Variants in ATL3 observed in about 807,000 individuals in gnomAD.
The protein encoded by ATL3 is atlastin GTPase 3, also known as atlastin-3.
ATL3 carries 49 observed loss-of-function variants against 69.5 expected under a neutral mutation model. The ratio of observed to expected loss-of-function variants is 0.71; its 90% confidence interval spans 0.56 to 0.89. The LOEUF (loss-of-function observed/expected upper bound fraction) is 0.89. Ranked by LOEUF, ATL3 falls within the 40% of genes least tolerant of loss-of-function variation. The pLI is 0.00. For synonymous variants in ATL3, 214 were observed against 224.1 expected, an observed-to-expected ratio of 0.95 and a Z score of 0.40; for missense variants, 606 against 645.7, an observed-to-expected ratio of 0.94 and a Z score of 0.67.
In ATL3 at chr11:63,657,538, G is replaced by A. The variant is rs555136438; in HGVS notation, c.405+1223C>T. On this transcript the variant is annotated intron_variant, in intron 3 of 12. Transcript: ENST00000398868. ...AGTAAGGAAGTAAAGAACAGAAGTGGTAACACATAAGAGCATCAGCCTCTG... is the reference window on the plus strand; with the variant it reads ...AGTAAGGAAGTAAAGAACAGAAGTGATAACACATAAGAGCATCAGCCTCTG... Among the ~76,000 whole-genome samples the A allele has an allele frequency of 2.8e-3, 423 of 152,264 alleles. 3 individuals carry two copies. The highest frequency in any genetic ancestry group is 0.012 in the South Asian group (60 of 4,824).
intron 1 of ATL3, among the ~76,000 whole-genome samples, chr11:63,663,123 T>A (rs967033875): frequency 4.3e-5 from 6 of 140,686 alleles, no homozygotes; most frequent in African/African-American, 1.6e-4. Context: ...TTCTTCGCAC[T>A]TTTTTTTTTT....
In ATL3 at chr11:63,636,100, C is replaced by T. The variant is rs567967098; in HGVS notation, c.978+107G>A. On this transcript the variant is annotated intron_variant, in intron 9 of 12. Transcript: ENST00000398868. ...TCTCTGAAAATGCCTCTCACCATCTCCCCCAGAAAATTTTTAAGTTTCAAA... is the reference window on the plus strand; with the variant it reads ...TCTCTGAAAATGCCTCTCACCATCTTCCCCAGAAAATTTTTAAGTTTCAAA... The T allele has an allele frequency of 2.6e-5, 38 of 1,435,628 alleles. No individual in the cohort carries two copies. In the South Asian group the frequency reaches 5.0e-4, roughly 19 times the overall value. 88.9% of individuals were successfully genotyped at this position (1,435,628 alleles called of 1,614,324 possible).
Position 63,629,148 on chromosome 11 carries a change from A to T in ATL3, c.*171T>A. ...TCCAAGAGAAATGGAAGTGTGTTTA[A>T]TAATTTGAAACCACAGGAGAGGTCT... On this transcript the variant is annotated 3_prime_UTR_variant, in exon 13 of 13. Transcript: ENST00000398868. The T allele has an allele frequency of 1.7e-6, 1 of 588,474 alleles. No homozygotes were observed. The highest frequency in any genetic ancestry group is 3.1e-6 in the Non-Finnish European group (1 of 325,026). 36.5% of individuals were successfully genotyped at this position (588,474 alleles called of 1,614,324 possible).
At chr11:63,654,421 G>C (rs552644079) in intron 3 of ATL3, among the ~76,000 whole-genome samples, 1 of 151,122 alleles carries the variant, frequency 6.6e-6, no homozygotes, top group Non-Finnish European at 1.5e-5. Flanking sequence ...CTGGGATTAC[G>C]GAGTTTCACT....
chr11:63,634,024 G>C (rs1939422015), intron 10 of ATL3, among the ~76,000 whole-genome samples: 1 of 115,644 alleles, frequency 8.6e-6, no homozygotes, highest in South Asian at 3.0e-4. Context: ...AATAGAGCAA[G>C]ACTCTGTCTC....
intron 1 of ATL3, among the ~76,000 whole-genome samples, chr11:63,669,014 T>A (rs374514064): frequency 2.8e-5 from 3 of 108,750 alleles, no homozygotes; most frequent in African/African-American, 7.0e-5. Context: ...TTTTTTTGGG[T>A]GGGGGGGGGC....
intron 8 of ATL3, among the ~76,000 whole-genome samples, chr11:63,640,979 C>T (rs555663934): frequency 2.0e-5 from 3 of 152,244 alleles, no homozygotes; most frequent in Admixed American, 6.5e-5. Context: ...GATCAAAGGA[C>T]GTGAACATTC....
Position 63,625,245 on chromosome 11 carries a change from CT to C in ATL3, c.*4073del, listed in dbSNP as rs1939067559. On this transcript the variant is annotated 3_prime_UTR_variant, in exon 13 of 13. Coordinates refer to ENST00000398868, the MANE Select transcript of ATL3 (RefSeq NM_015459.5). ...GCTTGTCTTCATTATGCCCTTATCC[CT>C]TGACTAGAATTTTGTTAAATAAAAC... 1 of 152,108 alleles carries C rather than the reference CT, an allele frequency of 6.6e-6. No homozygotes were observed. The highest frequency in any genetic ancestry group is 2.1e-4 in the South Asian group (1 of 4,824). The allele number at this position is 152,108 out of a possible 1,614,324, so 9.4% of individuals were successfully genotyped here.
At chr11:63,662,532 T>G (rs191483637) in intron 1 of ATL3, among the ~76,000 whole-genome samples, 7 of 152,286 alleles carry the variant, frequency 4.6e-5, no homozygotes, top group African/African-American at 1.7e-4. Context: ...CAGGCTGGAG[T>G]GCAATGGCAC....
intron 8 of ATL3, among the ~76,000 whole-genome samples, chr11:63,642,458 T>G (rs1397129549): frequency 6.6e-6 from 1 of 152,184 alleles, no homozygotes; most frequent in Non-Finnish European, 1.5e-5. Flanking sequence ...ACCATTCACT[T>G]CAAAACCTTT....
intron 8 of ATL3, among the ~76,000 whole-genome samples, chr11:63,636,742 G>GA (rs35563503): frequency 3.5e-5 from 5 of 142,852 alleles, no homozygotes; most frequent in Non-Finnish European, 6.1e-5. Flanking sequence ...TCCATCTCAA[G>GA]AAAAAAAAAA....
intron 8 of ATL3, among the ~76,000 whole-genome samples, chr11:63,636,568 G>A (rs1013926472): frequency 2.6e-5 from 4 of 152,114 alleles, no homozygotes; most frequent in South Asian, 4.2e-4. Context: ...GTGAAACCCC[G>A]TCTCTACTAA....
chr11:63,658,933 CTTAAA>C (rs753948359), intron 2 of ATL3, 29 bp from the exon 3 acceptor site: 1 of 1,583,794 alleles, frequency 6.3e-7, no homozygotes, highest in South Asian at 1.2e-5. Context: ...TCTATTAAAT[CTTAAA>C]TTAAAAATTT....
intron 8 of ATL3, among the ~76,000 whole-genome samples, chr11:63,643,120 G>T (rs1939752245): frequency 6.6e-6 from 1 of 152,114 alleles, no homozygotes; most frequent in Admixed American, 6.5e-5. Flanking sequence ...ACCATAATGA[G>T]TCTCTTTAGA....
chr11:63,649,531 TTTTC>T (rs777521227), intron 5 of ATL3, among the ~76,000 whole-genome samples: 7 of 151,936 alleles, frequency 4.6e-5, no homozygotes, highest in Non-Finnish European at 8.8e-5. Context: ...TATAATTTTA[TTTTC>T]TTTTTTTTTT....
At chr11:63,644,795 C>G (rs1255785910) in intron 6 of ATL3, among the ~76,000 whole-genome samples, 1 of 152,154 alleles carries the variant, frequency 6.6e-6, no homozygotes, top group Non-Finnish European at 1.5e-5. Flanking sequence ...TTTGTTCCCA[C>G]AGGTTAGTAG....
intron 3 of ATL3, among the ~76,000 whole-genome samples, chr11:63,657,282 G>C (rs955034925): frequency 1.3e-5 from 2 of 151,098 alleles, no homozygotes; most frequent in South Asian, 2.1e-4. Flanking sequence ...CAGAAGTAAT[G>C]GATGAAAGTC....
intron 8 of ATL3, among the ~76,000 whole-genome samples, chr11:63,641,102 C>T (rs563968828): frequency 7.9e-5 from 12 of 152,174 alleles, no homozygotes; most frequent in African/African-American, 2.9e-4. Flanking sequence ...TATATAATGA[C>T]CATTTGTATT....
chr11:63,633,791 T>G (rs1356103149), intron 10 of ATL3, among the ~76,000 whole-genome samples: 1 of 145,508 alleles, frequency 6.9e-6, no homozygotes, highest in Non-Finnish European at 1.5e-5. Flanking sequence ...CTTTGGCACT[T>G]TGGGAGGCCG....
Sources: allele counts gnomAD v4.1 joint callset (sites outside exome capture counted in the v4.1 genomes callset), GRCh38; gene constraint gnomAD v4.1.1; transcripts MANE v1.5; gene names NCBI Gene and HGNC (gene_info 2026-07-23, HGNC 2026-07-21).